Variants in ABCB7 observed in about 807,000 individuals in gnomAD.
ABCB7 encodes ATP binding cassette subfamily B member 7.
Under a neutral mutation model 54.4 loss-of-function variants are expected in ABCB7, and 7 were observed. The ratio of observed to expected loss-of-function variants is 0.13; its 90% CI spans 0.07 to 0.24. The LOEUF (loss-of-function observed/expected upper bound fraction) is 0.24, where lower values mean the gene tolerates loss of function less well. Ranked by LOEUF, ABCB7 falls within the 10% of genes least tolerant of loss-of-function variation. The probability of loss-of-function intolerance (pLI) is 1.00; values close to 1 mark genes in which losing one functional copy is unlikely to be tolerated. For synonymous variants in ABCB7, 218 were observed against 207.1 expected, an observed-to-expected ratio of 1.05 and a Z score of -0.45; for missense variants, 356 against 570.4, an observed-to-expected ratio of 0.62 and a Z score of 3.83.
At chrX:75,137,604 C>T (rs941696137) in intron 1 of ABCB7, among the ~76,000 whole-genome samples, 1 of 111,931 alleles carries the variant, frequency 8.9e-6, no homozygotes, top group Non-Finnish European at 1.9e-5. Context: ...GCACTATTCA[C>T]AATAGCAAAG....
intron 1 of ABCB7, among the ~76,000 whole-genome samples, chrX:75,124,606 C>A (rs1316668987): frequency 8.9e-6 from 1 of 111,766 alleles, no homozygotes; most frequent in Non-Finnish European, 1.9e-5. Context: ...AACTCCAGAA[C>A]CAATTCCTTT....
At chrX:75,067,824 A>G (rs977268042) in intron 12 of ABCB7, among the ~76,000 whole-genome samples, 2 of 110,958 alleles carry the variant, frequency 1.8e-5, no homozygotes, top group Admixed American at 9.6e-5. Flanking sequence ...TGAACCATCT[A>G]TATCAGAATA....
intron 4 of ABCB7, among the ~76,000 whole-genome samples, chrX:75,082,351 T>A (rs942315353): frequency 6.3e-5 from 7 of 111,546 alleles, no homozygotes; most frequent in African/African-American, 2.3e-4. Context: ...AAATTAGCCT[T>A]TGTGAATGAA....
At chrX:75,151,382 C>T (rs2082131089) in intron 1 of ABCB7, among the ~76,000 whole-genome samples, 1 of 111,476 alleles carries the variant, frequency 9.0e-6, no homozygotes, top group Non-Finnish European at 1.9e-5. Flanking sequence ...CCCTTAGAAT[C>T]TATTTCTACC....
chrX:75,053,680 G>T, intron 15 of ABCB7, 95 bp from the exon 16 acceptor site: 1 of 1,115,053 alleles, frequency 9.0e-7, no homozygotes, highest in Non-Finnish European at 1.2e-6. Context: ...GAGTTTGAAG[G>T]ATTTGCATTC....
At chrX:75,099,868 A>C (rs913880775) in intron 3 of ABCB7, among the ~76,000 whole-genome samples, 6 of 109,802 alleles carry the variant, frequency 5.5e-5, no homozygotes, top group Non-Finnish European at 1.1e-4. Flanking sequence ...AAAAGAATAA[A>C]ACATACCCAA....
At chrX:75,094,040 ATATATATATATATC>A (rs200547995) in intron 4 of ABCB7, among the ~76,000 whole-genome samples, 2,452 of 25,787 alleles carry the variant, frequency 0.095, 33 homozygotes, top group Non-Finnish European at 0.43. Flanking sequence ...ATATATATAT[ATATATATATATATC>A]TATCTTATTA....
chrX:75,118,621 A>T (rs2081845054), intron 1 of ABCB7, among the ~76,000 whole-genome samples: 1 of 111,244 alleles, frequency 9.0e-6, no homozygotes, highest in East Asian at 2.8e-4. Context: ...ATTATCTGAT[A>T]TTTTTTACTT....
intron 4 of ABCB7, among the ~76,000 whole-genome samples, chrX:75,094,362 T>G (rs2081572343): frequency 9.0e-6 from 1 of 111,219 alleles, no homozygotes. Context: ...TCAATAAATA[T>G]GTTTTACATT....
rs1022949373 is a variant in ABCB7 at position 75,106,211 on chromosome X, C to T, written c.333+6675G>A. Among the ~76,000 whole-genome samples, 4 of 110,664 alleles carry T rather than the reference C, an allele frequency of 3.6e-5. No homozygotes were observed. The East Asian group carries it at 1.1e-3, about 31-fold the overall frequency. Reference sequence around the variant, plus strand: ...AGAAAATATCTGCAAACTATGCACCCAATAAAGAACTAATATCCAGGATCT... The same window carrying T: ...AGAAAATATCTGCAAACTATGCACCTAATAAAGAACTAATATCCAGGATCT... On this transcript the variant is annotated intron_variant, in intron 3 of 15. Transcript: ENST00000373394.
At chrX:75,074,938 C>T (rs2081394063) in intron 6 of ABCB7, among the ~76,000 whole-genome samples, 1 of 110,585 alleles carries the variant, frequency 9.0e-6, no homozygotes, top group South Asian at 3.8e-4. Context: ...CCCAGTGACA[C>T]ATAATTTACC....
intron 1 of ABCB7, among the ~76,000 whole-genome samples, chrX:75,155,626 T>C (rs1185683003): frequency 9.0e-6 from 1 of 111,696 alleles, no homozygotes; most frequent in Non-Finnish European, 1.9e-5. Flanking sequence ...GAAGCACGCC[T>C]GTCAGCAAGG....
intron 4 of ABCB7, 89 bp downstream of exon 4, chrX:75,098,853 C>CA (rs750525145): frequency 2.5e-5 from 29 of 1,163,243 alleles, no homozygotes; most frequent in Non-Finnish European, 3.3e-5. Flanking sequence ...CATGCTACCC[C>CA]AAAAGTGATT....
intron 1 of ABCB7, among the ~76,000 whole-genome samples, chrX:75,116,981 A>G (rs2081826351): frequency 9.0e-6 from 1 of 111,328 alleles, no homozygotes; most frequent in African/African-American, 3.3e-5. Context: ...TATATGGTCT[A>G]AAAAGGGGAG....
intron 4 of ABCB7, among the ~76,000 whole-genome samples, chrX:75,079,382 T>C (rs1055426194): frequency 4.4e-5 from 5 of 112,526 alleles, no homozygotes; most frequent in African/African-American, 1.6e-4. Flanking sequence ...TGTTAAGTTT[T>C]ATTTGCTTTG....
chrX:75,141,412 TTA>T (rs1198856298), intron 1 of ABCB7, among the ~76,000 whole-genome samples: 1 of 110,566 alleles, frequency 9.0e-6, no homozygotes, highest in African/African-American at 3.3e-5. Context: ...TGTTTCTTGC[TTA>T]TGTTTTTTTT....
intron 4 of ABCB7, among the ~76,000 whole-genome samples, chrX:75,095,615 G>T (rs977292905): frequency 1.8e-5 from 2 of 112,354 alleles, no homozygotes; most frequent in Non-Finnish European, 3.8e-5. Context: ...TTTGTAAAAA[G>T]AAAATTGTTT....
At chrX:75,094,034 ATATATATATATATATATATCTATCTT>A (rs1376759783) in intron 4 of ABCB7, among the ~76,000 whole-genome samples, 1 of 34,665 alleles carries the variant, frequency 2.9e-5, no homozygotes, top group African/African-American at 5.1e-5. Flanking sequence ...ATATATATAT[ATATATATATATATATATATCTATCTT>A]ATTATTTGTT....
intron 13 of ABCB7, among the ~76,000 whole-genome samples, chrX:75,063,075 C>T (rs943358296): frequency 3.6e-5 from 4 of 111,419 alleles, no homozygotes; most frequent in Non-Finnish European, 1.9e-5. Context: ...AAGTGATTTG[C>T]TCAAGGTCAC....
Sources: allele counts gnomAD v4.1 joint callset (sites outside exome capture counted in the v4.1 genomes callset), GRCh38; gene constraint gnomAD v4.1.1; transcripts MANE v1.5; gene names NCBI Gene and HGNC (gene_info 2026-07-23, HGNC 2026-07-21).